Variants in FAM81A observed in about 807,000 individuals in gnomAD.
The protein encoded by FAM81A is family with sequence similarity 81 member A.
Under a neutral mutation model 46.7 loss-of-function variants are expected in FAM81A, and 19 were observed. That is an observed-to-expected ratio of 0.41 (90% CI 0.28 to 0.60). The LOEUF is 0.60. Among genes scored for constraint, FAM81A ranks in the 20% least tolerant of loss-of-function variants. FAM81A has a pLI of 0.34. For synonymous variants in FAM81A, 183 were observed against 152.9 expected (o/e 1.20, Z -1.45); for missense variants, 377 against 453.5 (o/e 0.83, Z 1.53).
chr15:59,403,539 T>C (rs1192091926), intron 2 of FAM81A, among the ~76,000 whole-genome samples: 2 of 152,342 alleles, frequency 1.3e-5, no homozygotes, highest in Admixed American at 6.5e-5. Flanking sequence ...TATACATTTA[T>C]GTTGCTTAAG....
At chr15:59,475,201 G>A (rs771435639) in intron 3 of FAM81A, among the ~76,000 whole-genome samples, 7 of 151,724 alleles carry the variant, frequency 4.6e-5, no homozygotes, top group Non-Finnish European at 8.8e-5. Context: ...CTGGAGTGCA[G>A]TCGTGTGATC....
In FAM81A at chr15:59,407,423, T is replaced by C. The variant is rs998363951; in HGVS notation, c.-78+5065T>C. Among the ~76,000 whole-genome samples, 4 of 151,094 alleles carry C rather than the reference T, an allele frequency of 2.6e-5. No individual in the cohort carries two copies. In the East Asian group the frequency reaches 7.8e-4, roughly 30 times the overall value. ...TATTCTCCTGCCTCAGCCTCCCCAG[T>C]ATCTGGGACTACAGGCACCCGCCAC... On this transcript the variant is annotated intron_variant, in intron 2 of 4. Transcript: ENST00000558348.
chr15:59,417,466 G>A lies in FAM81A; in HGVS notation c.-78+15108G>A, dbSNP rs549147292. Among the ~76,000 whole-genome samples the A allele has an allele frequency of 3.3e-5, 5 of 152,142 alleles. No homozygotes were observed. The South Asian group carries it at 1.0e-3, about 32-fold the overall frequency. On this transcript the variant is annotated intron_variant, in intron 2 of 4. Coordinates refer to the FAM81A transcript ENST00000558348. ...CACACCTGTAATCCCAGCACTTTGG[G>A]AGGCCGTGGTGGACAGGTCACTTGA...
intron 1 of FAM81A, among the ~76,000 whole-genome samples, chr15:59,451,412 T>C (rs559832703): frequency 6.6e-6 from 1 of 152,026 alleles, no homozygotes; most frequent in Non-Finnish European, 1.5e-5. Context: ...ATAGAGCTTT[T>C]CCTGCTGCCC....
At chr15:59,452,739 A>G (rs2081434235) in intron 1 of FAM81A, among the ~76,000 whole-genome samples, 1 of 152,176 alleles carries the variant, frequency 6.6e-6, no homozygotes, top group South Asian at 2.1e-4. Flanking sequence ...TGCAGCATAC[A>G]CATAGTCTAT....
chr15:59,514,557 A>G, intron 7 of FAM81A, 133 bp downstream of exon 7: 1 of 1,165,500 alleles, frequency 8.6e-7, no homozygotes, highest in Non-Finnish European at 1.2e-6. Context: ...CCATTTCCAT[A>G]GTTCCATATT....
chr15:59,480,494 A>T (rs1468269088), intron 3 of FAM81A, among the ~76,000 whole-genome samples: 5 of 152,176 alleles, frequency 3.3e-5, no homozygotes, highest in African/African-American at 1.2e-4. Context: ...GGTTTTTTAA[A>T]GATAGGCCGT....
chr15:59,432,971 TA>T lies in FAM81A; in HGVS notation c.-77-25567del, dbSNP rs71119472. Among the ~76,000 whole-genome samples the T allele has an allele frequency of 1.6e-3, 224 of 140,540 alleles. No individual in the cohort carries two copies. The Middle Eastern group carries it at 0.021, about 13-fold the overall frequency. The allele number at this position is 140,540 out of a possible 152,430, so 92.2% of individuals were successfully genotyped here. A position where few individuals can be genotyped will look rare whatever the true frequency, so the allele number is the denominator to read the frequency against. On this transcript the variant is annotated intron_variant, in intron 2 of 4. Transcript: ENST00000558348. ...TAACACGGTGAAACCCCGTCTCTAT[TA>T]AAAAAAAAAAATACAAAAAATTAGC...
intron 2 of FAM81A, among the ~76,000 whole-genome samples, chr15:59,418,759 G>A (rs1567038419): frequency 6.6e-6 from 1 of 152,098 alleles, no homozygotes; most frequent in East Asian, 1.9e-4. Context: ...TCAGTTATTA[G>A]TTCTGAAGAT....
chr15:59,501,600 T>C (rs2082091397), intron 4 of FAM81A, among the ~76,000 whole-genome samples: 1 of 152,226 alleles, frequency 6.6e-6, no homozygotes. Flanking sequence ...AGAGAAGTTC[T>C]GCATCAGCGT....
At chr15:59,490,370 T>C (rs1464150823) in intron 3 of FAM81A, among the ~76,000 whole-genome samples, 1 of 151,886 alleles carries the variant, frequency 6.6e-6, no homozygotes, top group Non-Finnish European at 1.5e-5. Context: ...CACCAGAATA[T>C]ATAAGGAGCT....
chr15:59,479,356 C>G (rs933030323), intron 3 of FAM81A, among the ~76,000 whole-genome samples: 5 of 151,554 alleles, frequency 3.3e-5, no homozygotes, highest in African/African-American at 4.8e-5. Flanking sequence ...ACTAAAAATA[C>G]AAAAATTAGC....
chr15:59,419,892 A>G (rs2081163547), intron 2 of FAM81A, among the ~76,000 whole-genome samples: 1 of 152,162 alleles, frequency 6.6e-6, no homozygotes, highest in Non-Finnish European at 1.5e-5. Context: ...ACAAAAAAAC[A>G]AACAAAGAAA....
chr15:59,428,408 T>G (rs1236078065), intron 2 of FAM81A, among the ~76,000 whole-genome samples: 5 of 129,510 alleles, frequency 3.9e-5, no homozygotes, highest in Non-Finnish European at 8.0e-5. Flanking sequence ...TGAGAATTCT[T>G]TTTGATATTA....
chr15:59,430,770 T>C (rs1380983265), intron 2 of FAM81A, among the ~76,000 whole-genome samples: 2 of 152,154 alleles, frequency 1.3e-5, no homozygotes. Flanking sequence ...CGTTGAAAAC[T>C]ACATGTAAGG....
At chr15:59,401,916 C>A (rs1596456809) in intron 1 of FAM81A, 2 of 759,748 alleles carry the variant, frequency 2.6e-6, no homozygotes, top group East Asian at 2.5e-5. Context: ...ATGAGCCTCT[C>A]GACTTTCTTT....
chr15:59,423,321 A>C (rs2081182663), intron 2 of FAM81A, among the ~76,000 whole-genome samples: 1 of 152,062 alleles, frequency 6.6e-6, no homozygotes, highest in African/African-American at 2.4e-5. Context: ...GATGGTCTCG[A>C]TCTCCTCACC....
At chr15:59,506,832 A>G (rs1274130937) in intron 4 of FAM81A, among the ~76,000 whole-genome samples, 1 of 152,204 alleles carries the variant, frequency 6.6e-6, no homozygotes, top group African/African-American at 2.4e-5. Flanking sequence ...CTAACATGGT[A>G]GAAGTTTCCT....
chr15:59,512,561 A>C (rs549829593), intron 6 of FAM81A, among the ~76,000 whole-genome samples: 1 of 152,040 alleles, frequency 6.6e-6, no homozygotes, highest in East Asian at 1.9e-4. Context: ...GAAGAACAAT[A>C]AGTTCCAGTT....
Sources: allele counts gnomAD v4.1 joint callset (sites outside exome capture counted in the v4.1 genomes callset), GRCh38; gene constraint gnomAD v4.1.1; transcripts MANE v1.5; gene names NCBI Gene and HGNC (gene_info 2026-07-23, HGNC 2026-07-21).